Variants in MCC observed in about 807,000 individuals in gnomAD.
The protein encoded by MCC is MCC regulator of Wnt signaling pathway.
MCC carries 90 observed loss-of-function variants against 116.2 expected under a neutral mutation model. The ratio of observed to expected loss-of-function variants is 0.77; its 90% confidence interval spans 0.65 to 0.92. The LOEUF is 0.92. Ranked by LOEUF, MCC falls within the 40% of genes least tolerant of loss-of-function variation. The probability of loss-of-function intolerance (pLI) is 0.00; values close to 1 mark genes in which losing one functional copy is unlikely to be tolerated. For synonymous variants in MCC, 578 were observed against 510.5 expected, an observed-to-expected ratio of 1.13 and a Z score of -1.78; for missense variants, 1,516 against 1,312.2, an observed-to-expected ratio of 1.16 and a Z score of -2.40.
In MCC at chr5:113,223,936, T is replaced by C. The variant is rs372332827; in HGVS notation, c.628-72514A>G. ...TCCCTGCTTGCAGGCCAAGGACTCC[T>C]AGACCTTCCCCATGTGAATCACAAA... is the stretch of plus-strand genomic sequence containing the variant. On this transcript the variant is annotated intron_variant, in intron 3 of 18. Coordinates refer to ENST00000408903, the MANE Select transcript of MCC (RefSeq NM_001085377.2). 4.5e-4 allele frequency among the ~76,000 whole-genome samples: 69 copies of C among 152,290 alleles called. No individual in the cohort carries two copies. In the South Asian group the frequency reaches 5.6e-3, roughly 12 times the overall value.
At chr5:113,064,804 C>G (rs1232506638) in intron 13 of MCC, among the ~76,000 whole-genome samples, 1 of 152,138 alleles carries the variant, frequency 6.6e-6, no homozygotes, top group African/African-American at 2.4e-5. Context: ...GGTGGGCACT[C>G]GCACAGACCA....
At chr5:113,125,767 C>A (rs2150272886) in intron 5 of MCC, among the ~76,000 whole-genome samples, 1 of 152,238 alleles carries the variant, frequency 6.6e-6, no homozygotes, top group South Asian at 2.1e-4. Context: ...TCTGCACAGC[C>A]TAGAGGATGC....
intron 6 of MCC, among the ~76,000 whole-genome samples, chr5:113,109,363 A>T (rs1324285743): frequency 6.6e-6 from 1 of 152,254 alleles, no homozygotes; most frequent in Non-Finnish European, 1.5e-5. Context: ...TACATGCTAC[A>T]ACATGAACCC....
intron 3 of MCC, among the ~76,000 whole-genome samples, chr5:113,181,667 G>A (rs751339632): frequency 5.9e-5 from 9 of 152,206 alleles, no homozygotes; most frequent in Non-Finnish European, 1.2e-4. Flanking sequence ...AGGAATAAGC[G>A]AGATGTGTAA....
intron 3 of MCC, among the ~76,000 whole-genome samples, chr5:113,181,879 C>T (rs1189478013): frequency 6.6e-6 from 1 of 152,122 alleles, no homozygotes; most frequent in Non-Finnish European, 1.5e-5. Context: ...AATTCTGAGG[C>T]CCAGGGGGGT....
At chr5:113,248,068 G>C (rs115732211) in intron 3 of MCC, among the ~76,000 whole-genome samples, 2,113 of 152,108 alleles carry the variant, frequency 0.014, 59 homozygotes, top group African/African-American at 0.048. Context: ...AGGGGGCAGA[G>C]AAGGAAAAGC....
At chr5:113,028,865 A>G (rs1750758148) in intron 18 of MCC, 69 bp downstream of exon 18, 1 of 1,548,856 alleles carries the variant, frequency 6.5e-7, no homozygotes, top group Non-Finnish European at 8.8e-7. Context: ...TGCTGTGTCT[A>G]CATGCAGGGT....
intron 1 of MCC, among the ~76,000 whole-genome samples, chr5:113,409,940 A>AT (rs368699447): frequency 0.19 from 29,251 of 152,118 alleles, 6,440 homozygotes; most frequent in African/African-American, 0.54. Context: ...TTATAATCAT[A>AT]TTTTCCATTA....
intron 3 of MCC, among the ~76,000 whole-genome samples, chr5:113,284,297 CATT>C (rs1252645333): frequency 6.6e-6 from 1 of 152,170 alleles, no homozygotes; most frequent in African/African-American, 2.4e-5. Flanking sequence ...CTGCAGACTG[CATT>C]ACTGTACTCC....
intron 12 of MCC, among the ~76,000 whole-genome samples, chr5:113,070,585 G>A (rs1181687634): frequency 6.6e-6 from 1 of 152,134 alleles, no homozygotes; most frequent in African/African-American, 2.4e-5. Context: ...AAAGAATGAA[G>A]ATCTTATCTG....
intron 3 of MCC, among the ~76,000 whole-genome samples, chr5:113,161,069 TAA>T (rs1180391660): frequency 6.6e-6 from 1 of 152,240 alleles, no homozygotes; most frequent in Non-Finnish European, 1.5e-5. Context: ...CTATTAAAAA[TAA>T]GTTATTATTT....
intron 3 of MCC, among the ~76,000 whole-genome samples, chr5:113,266,672 C>T (rs894385978): frequency 2.0e-5 from 3 of 152,208 alleles, no homozygotes; most frequent in Admixed American, 6.5e-5. Context: ...TGAGCCACCA[C>T]ATCCCAGCCA....
intron 4 of MCC, 118 bp from the exon 5 acceptor site, chr5:113,143,478 A>G (rs986086389): frequency 9.4e-7 from 1 of 1,064,718 alleles, no homozygotes; most frequent in African/African-American, 1.6e-5. Context: ...GCCCCAAATA[A>G]AATGTATGTC....
chr5:113,415,429 C>T (rs1218474884), intron 1 of MCC, among the ~76,000 whole-genome samples: 1 of 152,184 alleles, frequency 6.6e-6, no homozygotes, highest in Non-Finnish European at 1.5e-5. Flanking sequence ...TTGGTCTTTT[C>T]ACATAGTCCC....
chr5:113,043,205 T>C (rs1195045048), intron 17 of MCC, among the ~76,000 whole-genome samples: 2 of 152,182 alleles, frequency 1.3e-5, no homozygotes, highest in African/African-American at 4.8e-5. Context: ...GGAAACAAGG[T>C]AAGAGTGCCT....
At chr5:113,352,461 A>G (rs1448280746) in intron 2 of MCC, among the ~76,000 whole-genome samples, 2 of 151,876 alleles carry the variant, frequency 1.3e-5, no homozygotes. Context: ...CTGTCTTCCC[A>G]TCCTTTCTGC....
intron 2 of MCC, 43 bp from the exon 3 acceptor site, chr5:113,340,773 C>A: frequency 6.4e-7 from 1 of 1,556,234 alleles, no homozygotes; most frequent in Non-Finnish European, 8.8e-7. Flanking sequence ...ACATTTCCTT[C>A]ATTAGCCTGT....
chr5:113,296,316 A>G (rs1197016630), intron 3 of MCC, among the ~76,000 whole-genome samples: 2 of 152,242 alleles, frequency 1.3e-5, no homozygotes, highest in Non-Finnish European at 2.9e-5. Context: ...ATAGACTTGT[A>G]AAACATGAAC....
chr5:113,247,604 G>A (rs918180363), intron 3 of MCC, among the ~76,000 whole-genome samples: 2 of 152,164 alleles, frequency 1.3e-5, no homozygotes, highest in African/African-American at 2.4e-5. Flanking sequence ...GTACAAGGTG[G>A]ACTGAAGAAG....
Sources: allele counts gnomAD v4.1 joint callset (sites outside exome capture counted in the v4.1 genomes callset), GRCh38; gene constraint gnomAD v4.1.1; transcripts MANE v1.5; gene names NCBI Gene and HGNC (gene_info 2026-07-23, HGNC 2026-07-21).